The following CD247 variants were observed in gnomAD, a reference collection of about 807,000 sequenced individuals.
The protein encoded by CD247 is T-cell surface glycoprotein CD3 zeta chain.
A neutral mutation model predicts 30.0 loss-of-function variants in CD247; 13 were observed. The observed-to-expected ratio is 0.43, with a 90% CI of 0.28 to 0.69. The LOEUF (loss-of-function observed/expected upper bound fraction) is 0.69, where lower values mean the gene tolerates loss of function less well. CD247 is among the 30% of genes least tolerant of loss of function. The pLI is 0.16. For synonymous variants in CD247, 72 were observed against 80.0 expected, an observed-to-expected ratio of 0.90 and a Z score of 0.53; for missense variants, 193 against 212.6, an observed-to-expected ratio of 0.91 and a Z score of 0.57.
intron 1 of CD247, among the ~76,000 whole-genome samples, chr1:167,443,019 GC>G (rs1251626841): frequency 6.6e-6 from 1 of 152,012 alleles, no homozygotes; most frequent in African/African-American, 2.4e-5. Flanking sequence ...CCCCTGGCCT[GC>G]TGAGCTAGAT....
chr1:167,450,344 A>T (rs1426765892), intron 1 of CD247, among the ~76,000 whole-genome samples: 1 of 152,056 alleles, frequency 6.6e-6, no homozygotes, highest in Non-Finnish European at 1.5e-5. Context: ...AAAAATAAAA[A>T]ATTAGCTGGG....
chr1:167,488,201 G>A, intron 1 of CD247, among the ~76,000 whole-genome samples: 1 of 152,232 alleles, frequency 6.6e-6, no homozygotes, highest in East Asian at 1.9e-4. Flanking sequence ...TCAGGATACA[G>A]CTATAAGAGA....
chr1:167,433,928 G>A lies in CD247; in HGVS notation c.393+92C>T. The A allele has an allele frequency of 2.6e-6, 3 of 1,151,740 alleles. No individual in the cohort carries two copies. The South Asian group carries it at 3.7e-5, about 14-fold the overall frequency. 71.3% of individuals were successfully genotyped at this position (1,151,740 alleles called of 1,614,324 possible). On this transcript the variant is annotated intron_variant, in intron 6 of 7. Transcript: ENST00000362089. The stretch of plus-strand genomic sequence containing the variant: ...CCACCACATGGGCATTTGCAGCTGG[G>A]ATGAGAAGTGGATGGGAAAGGAGGC...
chr1:167,495,948 T>C (rs1432764555), intron 1 of CD247, among the ~76,000 whole-genome samples: 1 of 152,232 alleles, frequency 6.6e-6, no homozygotes, highest in Non-Finnish European at 1.5e-5. Flanking sequence ...CTTCTCAGCA[T>C]GTATCACAAC....
chr1:167,513,980 A>G (rs1256937995), intron 1 of CD247, among the ~76,000 whole-genome samples: 1 of 152,206 alleles, frequency 6.6e-6, no homozygotes, highest in Non-Finnish European at 1.5e-5. Context: ...TTAAAATAAC[A>G]TTGTTTAATA....
intron 1 of CD247, among the ~76,000 whole-genome samples, chr1:167,481,450 G>C (rs991213577): frequency 6.6e-6 from 1 of 152,056 alleles, no homozygotes; most frequent in South Asian, 2.1e-4. Context: ...ATTTCATGAC[G>C]CAGGGGAGAA....
At chr1:167,516,158 G>A (rs1454997607) in intron 1 of CD247, among the ~76,000 whole-genome samples, 1 of 152,356 alleles carries the variant, frequency 6.6e-6, no homozygotes, top group South Asian at 2.1e-4. Flanking sequence ...GCATGTCAGA[G>A]CTCCATCTCC....
intron 1 of CD247, among the ~76,000 whole-genome samples, chr1:167,465,970 G>T (rs889696637): frequency 6.6e-6 from 1 of 152,326 alleles, no homozygotes; most frequent in South Asian, 2.1e-4. Context: ...GACAGCAATT[G>T]CCAGGGAATA....
intron 1 of CD247, among the ~76,000 whole-genome samples, chr1:167,513,441 G>A (rs573335383): frequency 6.6e-6 from 1 of 152,268 alleles, no homozygotes; most frequent in East Asian, 1.9e-4. Flanking sequence ...TTCCGTCAGT[G>A]ATTTTTATAT....
At chr1:167,465,085 T>C (rs2102036893) in intron 1 of CD247, among the ~76,000 whole-genome samples, 1 of 152,268 alleles carries the variant, frequency 6.6e-6, no homozygotes, top group African/African-American at 2.4e-5. Context: ...AATCTTCCTG[T>C]CCATATATTT....
intron 1 of CD247, among the ~76,000 whole-genome samples, chr1:167,450,985 C>A (rs1397331120): frequency 6.6e-6 from 1 of 151,476 alleles, no homozygotes; most frequent in Non-Finnish European, 1.5e-5. Flanking sequence ...TATGAAGTGA[C>A]AAAGAGATGT....
chr1:167,516,287 G>A (rs189461654), intron 1 of CD247, among the ~76,000 whole-genome samples: 30 of 152,352 alleles, frequency 2.0e-4, no homozygotes, highest in African/African-American at 7.0e-4. Flanking sequence ...CACTAGGCAC[G>A]CCATCTTAGG....
intron 1 of CD247, among the ~76,000 whole-genome samples, chr1:167,456,262 G>C (rs1430646405): frequency 6.6e-6 from 1 of 152,020 alleles, no homozygotes; most frequent in Non-Finnish European, 1.5e-5. Flanking sequence ...TGCCGGCACT[G>C]CCTGTGCCTG....
rs938481099 is a variant in CD247, at chr1:167,435,383, G to A, written c.336+16C>T. The A allele has an allele frequency of 4.4e-6, 7 of 1,600,860 alleles. No homozygotes were observed. The African/African-American group carries it at 9.4e-5, about 21-fold the overall frequency. ...TCCAACTTTCCAAGGTCAAATGTGA[G>A]GTCTCCTCTACTCACATTGTACAGG... is the stretch of plus-strand genomic sequence containing the variant. On this transcript the variant is annotated intron_variant, in intron 5 of 7. Transcript: ENST00000362089.
At chr1:167,487,310 AG>A (rs1654254959) in intron 1 of CD247, among the ~76,000 whole-genome samples, 2 of 152,144 alleles carry the variant, frequency 1.3e-5, no homozygotes, top group South Asian at 4.2e-4. Context: ...CGGGAGGTGG[AG>A]GTTGCAGTGA....
Position 167,431,292 on chromosome 1 carries a change from G to C in CD247, c.*389C>G. On this transcript the variant is annotated 3_prime_UTR_variant, in exon 8 of 8. Transcript: ENST00000362089. ...GCAGGAGTGAAGCCACTCAGACACA[G>C]AGTGATACAGACATTAGGGCATGTG... The C allele has an allele frequency of 1.8e-6, 1 of 560,276 alleles. No homozygotes were observed. The highest frequency in any genetic ancestry group is 3.1e-6 in the Non-Finnish European group (1 of 318,020). The allele number at this position is 560,276 out of a possible 1,614,324, so 34.7% of individuals were successfully genotyped here.
At chr1:167,502,911 A>G (rs1473294623) in intron 1 of CD247, among the ~76,000 whole-genome samples, 3 of 152,178 alleles carry the variant, frequency 2.0e-5, no homozygotes, top group East Asian at 1.9e-4. Context: ...CCCTGCAGAC[A>G]CCTTGACTTT....
chr1:167,499,166 G>A (rs1034208443), intron 1 of CD247, among the ~76,000 whole-genome samples: 4 of 152,134 alleles, frequency 2.6e-5, no homozygotes, highest in South Asian at 2.1e-4. Flanking sequence ...ATTTGGCAAC[G>A]TCTAAAGATA....
At position 167,512,625 on chromosome 1, in the gene CD247, T is replaced by G. The variant is rs557048447; in HGVS notation, c.58+5783A>C. Among the ~76,000 whole-genome samples, 26 of 152,330 alleles carry G rather than the reference T, an allele frequency of 1.7e-4. No individual in the cohort carries two copies. In the East Asian group the frequency reaches 4.8e-3, roughly 28 times the overall value. On this transcript the variant is annotated intron_variant, in intron 1 of 7. Coordinates refer to ENST00000362089, the MANE Select transcript of CD247 (RefSeq NM_198053.3). The stretch of plus-strand genomic sequence containing the variant: ...TGTCAGTCCAGTGTTCCCCCATTAT[T>G]GCATTGGGAAAATGATATTCTATTT...
Sources: allele counts gnomAD v4.1 joint callset (sites outside exome capture counted in the v4.1 genomes callset), GRCh38; gene constraint gnomAD v4.1.1; transcripts MANE v1.5; gene names NCBI Gene and HGNC (gene_info 2026-07-23, HGNC 2026-07-21).